SAXO3: variants seen among roughly 807,000 people sequenced by gnomAD.
SAXO3 encodes the protein CTB-60B18.10.
chr19:49,019,406 TCTC>T, the SAXO3 span: 1 of 1,255,916 alleles, frequency 8.0e-7, no homozygotes, highest in Non-Finnish European at 1.0e-6. Context: ...AATATTCTAG[TCTC>T]CTCCCCACCC....
chr19:49,019,632 C>G, the SAXO3 span: 1 of 1,258,824 alleles, frequency 7.9e-7, no homozygotes, highest in Non-Finnish European at 1.0e-6. Flanking sequence ...CCGGCGCCGG[C>G]TTCCACCCAG....
the SAXO3 span, chr19:49,020,017 A>G: frequency 8.1e-4 from 1,191 of 1,474,738 alleles, 12 homozygotes; most frequent in African/African-American, 0.015. Context: ...AGGCCGAGCC[A>G]GAGGTTGTCT....
At chr19:49,018,917 C>A in the SAXO3 span, 2 of 1,534,522 alleles carry the variant, frequency 1.3e-6, no homozygotes, top group Middle Eastern at 2.1e-4. Context: ...TCAGATAGAG[C>A]TGGCGGCGGT....
the SAXO3 span, chr19:49,019,808 G>A: frequency 8.0e-7 from 1 of 1,246,070 alleles, no homozygotes; most frequent in South Asian, 1.6e-5. Context: ...CGGTGTCTGA[G>A]CTGCGGAAAG....
the SAXO3 span, chr19:49,019,734 G>A: frequency 8.5e-7 from 1 of 1,176,004 alleles, no homozygotes; most frequent in Non-Finnish European, 1.1e-6. Context: ...CGCTGGGAGA[G>A]CCAGTGTACT....
At chr19:49,019,152 C>T in the SAXO3 span, 126 of 1,412,456 alleles carry the variant, frequency 8.9e-5, no homozygotes, top group Non-Finnish European at 1.1e-4. Flanking sequence ...AGAGCCCTTC[C>T]TGCCACCCAC....
the SAXO3 span, chr19:49,018,359 A>C: frequency 8.2e-7 from 1 of 1,215,950 alleles, no homozygotes; most frequent in African/African-American, 1.6e-5. Context: ...GCAGGGCGGG[A>C]TGGTGAGGAT....
the SAXO3 span, chr19:49,018,786 G>C: frequency 1.7e-6 from 2 of 1,175,566 alleles, no homozygotes; most frequent in Admixed American, 2.1e-5. Flanking sequence ...ACCGGCTCAG[G>C]GAATGGGAGC....
the SAXO3 span, chr19:49,020,096 T>C: frequency 7.7e-7 from 1 of 1,304,522 alleles, no homozygotes; most frequent in Non-Finnish European, 1.0e-6. Context: ...GGGTAGAGGG[T>C]CCGCGACCGT....
the SAXO3 span, chr19:49,020,360 G>T: frequency 2.4e-6 from 1 of 412,242 alleles, no homozygotes; most frequent in Non-Finnish European, 4.3e-6. Context: ...GGGCTGCAGC[G>T]TAGGGTCCGC....
the SAXO3 span, chr19:49,020,279 C>G: frequency 2.2e-6 from 1 of 446,270 alleles, no homozygotes; most frequent in Non-Finnish European, 3.9e-6. Context: ...GACCCTCCTC[C>G]TTCAGAGAGG....
At chr19:49,019,790 G>T in the SAXO3 span, 3 of 1,223,010 alleles carry the variant, frequency 2.5e-6, no homozygotes, top group African/African-American at 3.2e-5. Context: ...AGTGGGAGGC[G>T]CCAGCCGCGG....
the SAXO3 span, chr19:49,020,532 CG>C: frequency 2.5e-6 from 1 of 398,536 alleles, no homozygotes; most frequent in African/African-American, 2.1e-5. Flanking sequence ...ACCCCCACTC[CG>C]TAGCCAAGCA....
the SAXO3 span, among the ~76,000 whole-genome samples, chr19:49,018,688 C>G: frequency 1.4e-4 from 21 of 151,846 alleles, no homozygotes; most frequent in African/African-American, 5.1e-4. Context: ...AGAGGTGACA[C>G]TAAGGACTCC....
chr19:49,018,029 A>G, the SAXO3 span: 2 of 398,492 alleles, frequency 5.0e-6, no homozygotes, highest in Non-Finnish European at 8.8e-6. Context: ...GGCTTTCGGC[A>G]CGCTGTAGAT....
the SAXO3 span, chr19:49,019,093 G>A: frequency 1.4e-6 from 2 of 1,443,120 alleles, no homozygotes; most frequent in Non-Finnish European, 1.8e-6. Context: ...CCTCTCCTTC[G>A]GCCTCGACAG....
chr19:49,020,247 T>G, the SAXO3 span: 4 of 466,122 alleles, frequency 8.6e-6, no homozygotes, highest in South Asian at 1.8e-4. Flanking sequence ...TGGTGCCTCC[T>G]CTCTCAGACC....
the SAXO3 span, chr19:49,019,545 C>T: frequency 2.5e-6 from 3 of 1,189,170 alleles, no homozygotes; most frequent in Non-Finnish European, 3.2e-6. Flanking sequence ...GATCCCGCCC[C>T]AGACCCTTTA....
the SAXO3 span, chr19:49,019,684 G>GA: frequency 1.2e-5 from 15 of 1,230,716 alleles, no homozygotes; most frequent in East Asian, 3.2e-5. Flanking sequence ...TGCGAGTTGT[G>GA]GGGGCTGGGG....
Sources: gnomAD v4.1 joint callset for allele counts (sites outside exome capture counted in the v4.1 genomes callset) on GRCh38, gnomAD v4.1.1 for gene constraint, MANE v1.5 for transcripts, NCBI Gene and HGNC (gene_info 2026-07-23, HGNC 2026-07-21) for gene names.